SPTBN2: variants seen among roughly 807,000 people sequenced by gnomAD.
SPTBN2 encodes the protein spectrin beta chain, non-erythrocytic 2.
Under a neutral mutation model 284.2 loss-of-function variants are expected in SPTBN2, and 107 were observed. That is an observed-to-expected ratio of 0.38 (90% confidence interval 0.32 to 0.44). SPTBN2 has a LOEUF of 0.44. Ranked by LOEUF, SPTBN2 falls within the 20% of genes least tolerant of loss-of-function variation. The probability of loss-of-function intolerance (pLI) is 1.00; values close to 1 mark genes in which losing one functional copy is unlikely to be tolerated. For missense variants in SPTBN2, 2,569 were observed against 3,287.1 expected, an observed-to-expected ratio of 0.78 and a Z score of 5.34; for synonymous variants, 1,289 against 1,354.8, an observed-to-expected ratio of 0.95 and a Z score of 1.07.
At chr11:66,728,579 C>A (rs1942725889) in intron 1 of SPTBN2, 162 bp downstream of exon 1, 1 of 151,752 alleles carries the variant, frequency 6.6e-6, no homozygotes, top group East Asian at 2.0e-4. Flanking sequence ...GGGTAGTTGA[C>A]CTGCCTCGGG....
intron 3 of SPTBN2, among the ~76,000 whole-genome samples, chr11:66,720,883 G>T (rs560736047): frequency 3.3e-5 from 5 of 152,072 alleles, no homozygotes; most frequent in Admixed American, 6.5e-5. Context: ...TCTATGCTTG[G>T]GGGGAAGAGC....
chr11:66,701,126 C>A lies in SPTBN2; in HGVS notation c.2973G>T (p.Leu991=). The part of the protein sequence containing the change: ...IESTQGLGND[L]AGVLALQRKL... Reference sequence around the variant, plus strand: ...TGCGCTGCAGGGCCAGCACCCCAGCCAGATCGTTGCCTAGGCCCTGGGTGG... The same window carrying A: ...TGCGCTGCAGGGCCAGCACCCCAGCAAGATCGTTGCCTAGGCCCTGGGTGG... The change falls in exon 17 of 38, where the codon CTG becomes CTT. Residue 991 remains leucine (L), a synonymous_variant. Coordinates refer to ENST00000533211, the MANE Select transcript of SPTBN2 (RefSeq NM_006946.4). 2 of 1,613,162 alleles carry A rather than the reference C, an allele frequency of 1.2e-6. No homozygotes were observed. Among genetic ancestry groups the A allele is most frequent in the Non-Finnish European group, 1.7e-6 (2 of 1,180,042 alleles).
Position 66,701,729 on chromosome 11 carries a change from G to A in SPTBN2, c.2679-8C>T, listed in dbSNP as rs1274627753. ...GGCTCCAGGGTCTCGAACCTGAGAGGGTGGAAGAGCCAGGCGTGAATTGTG... is the reference window on the plus strand; with the variant it reads ...GGCTCCAGGGTCTCGAACCTGAGAGAGTGGAAGAGCCAGGCGTGAATTGTG... On this transcript the variant is annotated splice_polypyrimidine_tract_variant and splice_region_variant and intron_variant, in intron 15 of 37. Coordinates refer to ENST00000533211, the MANE Select transcript of SPTBN2 (RefSeq NM_006946.4). The A allele has an allele frequency of 1.2e-6, 2 of 1,613,922 alleles. No individual in the cohort carries two copies. Among genetic ancestry groups the A allele is most frequent in the Non-Finnish European group, 1.7e-6 (2 of 1,180,026 alleles).
chr11:66,689,025 T>A lies in SPTBN2; in HGVS notation c.6034+71A>T, dbSNP rs1940349924. The stretch of plus-strand genomic sequence containing the variant: ...CACACCCAGGGTTCCTAGTCTCACC[T>A]ACTCTGGAACCCACAGGGTGCAGGA... On this transcript the variant is annotated intron_variant, in intron 30 of 37. Coordinates refer to ENST00000533211, the MANE Select transcript of SPTBN2 (RefSeq NM_006946.4). 38 of 1,524,418 alleles carry A rather than the reference T, an allele frequency of 2.5e-5. No homozygotes were observed. The South Asian group carries it at 4.1e-4, about 16-fold the overall frequency. 94.4% of individuals were successfully genotyped at this position (1,524,418 alleles called of 1,614,324 possible).
chr11:66,715,899 G>A lies in SPTBN2; in HGVS notation c.240C>T (p.Asp80=), dbSNP rs775075817. 6.2e-7 allele frequency: 1 copy of A among 1,613,966 alleles called. No homozygotes were observed. Among genetic ancestry groups the A allele is most frequent in the South Asian group, 1.1e-5 (1 of 91,046 alleles). ...GTCCGTCCCGGAGGTCGCTGTACAG[G>A]TCCCCCACCCGGCACGTGACCCGGG... ...HLARVTCRVG[D]LYSDLRDGRN... is the part of the protein sequence containing the mutation. The change falls in exon 4 of 38, where the codon GAC becomes GAT. Residue 80 remains aspartate, a synonymous_variant. Coordinates refer to ENST00000533211, the MANE Select transcript of SPTBN2 (RefSeq NM_006946.4). The surrounding 1 kb of genome is among the most constrained non-coding windows in gnomAD (Gnocchi z 5.3).
chr11:66,744,060 C>CAT (rs1435506118), intron 1 of SPTBN2, among the ~76,000 whole-genome samples: 2 of 152,086 alleles, frequency 1.3e-5, no homozygotes, highest in African/African-American at 2.4e-5. Flanking sequence ...GGGGTTTCAC[C>CAT]ATGTTGGCCA....
chr11:66,696,375 C>T lies in SPTBN2; in HGVS notation c.4180G>A (p.Ala1394Thr), dbSNP rs775970942. 5.0e-6 allele frequency: 8 copies of T among 1,613,304 alleles called. No individual in the cohort carries two copies. In the Admixed American group the frequency reaches 1.2e-4, roughly 24 times the overall value. The part of the protein sequence containing the change: ...RAELFAQSCC[A>T]LESWLESLQA... ...AGGCTCTCCAGCCAGCTCTCCAGGGCACAGCAGCTCTGGGCAAACAGCTCA... is the reference window on the plus strand; with the variant it reads ...AGGCTCTCCAGCCAGCTCTCCAGGGTACAGCAGCTCTGGGCAAACAGCTCA... The change falls in exon 21 of 38, where the codon GCC becomes ACC. Residue 1394 changes from alanine (A) to threonine (T), a missense_variant. By Grantham distance (58) the Ala-to-Thr change is moderately conservative. Transcript: ENST00000533211.
intron 26 of SPTBN2, 36 bp downstream of exon 26, chr11:66,692,499 AC>A: frequency 6.3e-7 from 1 of 1,597,746 alleles, no homozygotes; most frequent in African/African-American, 1.3e-5. Flanking sequence ...CACTCTTCCC[AC>A]GGTTGATCTG....
In SPTBN2 at chr11:66,687,684, C is replaced by A. The variant is rs367873935; in HGVS notation, c.6502-37G>T. The A allele has an allele frequency of 7.6e-6, 12 of 1,573,418 alleles. No homozygotes were observed. The highest frequency in any genetic ancestry group is 9.5e-6 in the Non-Finnish European group (11 of 1,158,820). Reference sequence around the variant, plus strand: ...TCAGTGTCAGTGTCAAAGGTTGAGACGGGAGATCCCTAACCTGGGTGCCAG... The same window carrying A: ...TCAGTGTCAGTGTCAAAGGTTGAGAAGGGAGATCCCTAACCTGGGTGCCAG... On this transcript the variant is annotated intron_variant, in intron 34 of 37. Transcript: ENST00000533211. The surrounding 1 kb of genome is among the most constrained non-coding windows in gnomAD (Gnocchi z 5.2).
chr11:66,711,130 A>G, intron 8 of SPTBN2, 101 bp from the exon 9 acceptor site: 1 of 876,584 alleles, frequency 1.1e-6, no homozygotes, highest in Admixed American at 1.9e-5. Flanking sequence ...CAAGGCTGAC[A>G]TCTCTCCATC....
intron 1 of SPTBN2, chr11:66,728,524 T>A (rs1484482182): frequency 1.3e-5 from 2 of 150,164 alleles, no homozygotes; most frequent in Admixed American, 6.6e-5. Flanking sequence ...CCCAGCGCCA[T>A]GGCAACCGAG....
chr11:66,686,144 G>A (rs1332488654), intron 37 of SPTBN2, 40 bp from the exon 38 acceptor site: 1 of 1,587,504 alleles, frequency 6.3e-7, no homozygotes, highest in Non-Finnish European at 8.6e-7. Flanking sequence ...CAAGGACACT[G>A]TGCTGAGTTG....
At chr11:66,705,967 C>T (rs1269416647) in intron 13 of SPTBN2, 130 bp from the exon 14 acceptor site, 9 of 1,313,486 alleles carry the variant, frequency 6.9e-6, no homozygotes, top group African/African-American at 1.5e-5. Flanking sequence ...CTCACACATA[C>T]TTGAGATACC....
At chr11:66,690,390 G>A (rs1469931435) in intron 27 of SPTBN2, 107 bp from the exon 28 acceptor site, 2 of 1,418,940 alleles carry the variant, frequency 1.4e-6, no homozygotes, top group African/African-American at 2.9e-5. Flanking sequence ...CACAGCCAAA[G>A]AAGCAGGGGG....
rs755537860 is a variant in SPTBN2, at chr11:66,700,906, G to A, written c.3193C>T (p.Arg1065Trp). 2 of 1,600,966 alleles carry A rather than the reference G, an allele frequency of 1.2e-6. No homozygotes were observed. The highest frequency in any genetic ancestry group is 2.2e-5 in the East Asian group (1 of 44,866). The change falls in exon 17 of 38, where the codon CGG becomes TGG. Residue 1065 changes from arginine (R) to tryptophan (W), a missense_variant. This residue lies in a region of SPTBN2 where 1,012 missense variants were observed against 1,248.9 expected (regional missense o/e 0.81). Coordinates refer to ENST00000533211, the MANE Select transcript of SPTBN2 (RefSeq NM_006946.4). This position sits in a 1 kb window ranked among gnomAD's most constrained non-coding sequence, Gnocchi z 6.6. ...RRREESLGEA[R>W]RLQDFLRSLD... The stretch of plus-strand genomic sequence containing the variant: ...CTGCGCAAGAAGTCCTGCAGCCGCC[G>A]CGCCTCCCCCAGCGACTCTTCTCGA...
At chr11:66,731,575 C>T (rs1248562563), upstream of SPTBN2, among the ~76,000 whole-genome samples, 1 of 152,192 alleles carries the variant, frequency 6.6e-6, no homozygotes, top group Non-Finnish European at 1.5e-5. Context: ...TGCTAAGTCT[C>T]ATCCCCTTCT....
chr11:66,725,101 A>T (rs921819074), intron 1 of SPTBN2, among the ~76,000 whole-genome samples: 1 of 152,156 alleles, frequency 6.6e-6, no homozygotes, highest in Non-Finnish European at 1.5e-5. Flanking sequence ...CCTCTCTCCA[A>T]ATTGAATTTG....
In SPTBN2 at chr11:66,687,247, A is replaced by G. The variant is rs909835173; in HGVS notation, c.6723-80T>C. 5.7e-6 allele frequency: 9 copies of G among 1,591,142 alleles called. No homozygotes were observed. Among genetic ancestry groups the G allele is most frequent in the South Asian group, 1.1e-5 (1 of 89,712 alleles). ...CCCTCTTGGGTGTCCTAGGACTTCC[A>G]GTTCTGCTCCCATCTTTAGGCCACG... On this transcript the variant is annotated intron_variant, in intron 35 of 37. Transcript: ENST00000533211. This position sits in a 1 kb window ranked among gnomAD's most constrained non-coding sequence, Gnocchi z 5.2.
chr11:66,721,403 T>C lies in SPTBN2; in HGVS notation c.-76A>G. ...GCTGCGGTTGGCTGCTCAGTGGAAA[T>C]CAGCCCCCAGGGGAAGAGGGGAAGC... On this transcript the variant is annotated 5_prime_UTR_variant, in exon 2 of 38. It removes the in-frame stop codon of an upstream open reading frame in the 5' UTR. Transcript: ENST00000533211. The C allele has an allele frequency of 1.0e-6, 1 of 967,018 alleles. No homozygotes were observed. The allele number at this position is 967,018 out of a possible 1,614,324, so 59.9% of individuals were successfully genotyped here. A position where few individuals can be genotyped will look rare whatever the true frequency, so the allele number is the denominator to read the frequency against.
Sources: allele counts gnomAD v4.1 joint callset (sites outside exome capture counted in the v4.1 genomes callset), GRCh38; gene constraint gnomAD v4.1.1; regional missense constraint gnomAD v4.1.1; non-coding constraint Gnocchi (gnomAD v3.1); transcripts MANE v1.5; gene names NCBI Gene and HGNC (gene_info 2026-07-23, HGNC 2026-07-21).